FLNB: variants seen among roughly 807,000 people sequenced by gnomAD.
FLNB encodes filamin-B.
In FLNB, 111 loss-of-function variants were observed where a neutral mutation model predicts 250.6. The ratio of observed to expected loss-of-function variants is 0.44; its 90% CI spans 0.38 to 0.52. The LOEUF is 0.52. FLNB is among the 20% of genes least tolerant of loss of function. The pLI, the probability that FLNB is intolerant of heterozygous loss-of-function variation, is 0.00. For missense variants in FLNB, 2,869 were observed against 3,447.8 expected (o/e 0.83, Z 4.20); for synonymous variants, 1,302 against 1,372.1 (o/e 0.95, Z 1.13).
intron 1 of FLNB, among the ~76,000 whole-genome samples, chr3:58,065,046 C>CA (rs56191321): frequency 1.5e-3 from 224 of 149,890 alleles, no homozygotes; most frequent in Non-Finnish European, 2.7e-3. Context: ...GACCCTGTCT[C>CA]AAAAAAAAAA....
chr3:58,068,559 C>T (rs561245155), intron 1 of FLNB, among the ~76,000 whole-genome samples: 1 of 152,254 alleles, frequency 6.6e-6, no homozygotes, highest in Admixed American at 6.5e-5. Flanking sequence ...TCAGCTGTCC[C>T]CGCTTTGGTT....
chr3:58,013,585 G>A (rs2097101934), intron 1 of FLNB, among the ~76,000 whole-genome samples: 1 of 152,258 alleles, frequency 6.6e-6, no homozygotes, highest in African/African-American at 2.4e-5. Context: ...AGCACCCTGG[G>A]AGGCCAAGGT....
intron 16 of FLNB, 79 bp from the exon 17 acceptor site, chr3:58,111,712 T>C (rs2097269035): frequency 2.0e-6 from 2 of 1,013,832 alleles, no homozygotes; most frequent in Admixed American, 1.8e-5. Flanking sequence ...GATGCTAAGG[T>C]TCACCCTTTG....
At position 58,079,294 on chromosome 3, in the gene FLNB, C is replaced by G. The variant is rs191474768; in HGVS notation, c.639+480C>G. On this transcript the variant is annotated intron_variant, in intron 3 of 45. Coordinates refer to ENST00000295956, the MANE Select transcript of FLNB (RefSeq NM_001457.4). ...TTGAGATGGAGTCTCGCTTTGTCGC[C>G]CAGGCTGGAGTGCAGTGGTGTGATC... Among the ~76,000 whole-genome samples, 40 of 151,340 alleles carry G rather than the reference C, an allele frequency of 2.6e-4. No individual in the cohort carries two copies. The East Asian group carries it at 7.0e-3, about 26-fold the overall frequency.
Position 58,122,753 on chromosome 3 carries a change from G to T in FLNB, c.3127-340G>T, listed in dbSNP as rs926058924. Among the ~76,000 whole-genome samples, 6 of 152,160 alleles carry T rather than the reference G, an allele frequency of 3.9e-5. No individual in the cohort carries two copies. In the East Asian group the frequency reaches 9.6e-4, roughly 24 times the overall value. ...GCCCTTCCATGAGCCCTCAACCTGGGATCTCGTGTATCTTTGTTGGAATGG... is the reference window on the plus strand; with the variant it reads ...GCCCTTCCATGAGCCCTCAACCTGGTATCTCGTGTATCTTTGTTGGAATGG... On this transcript the variant is annotated intron_variant, in intron 20 of 45. Coordinates refer to ENST00000295956, the MANE Select transcript of FLNB (RefSeq NM_001457.4).
rs904397162 is a variant in FLNB, at chr3:58,031,513, G to A, written c.292+22657G>A. On this transcript the variant is annotated intron_variant, in intron 1 of 45. Transcript: ENST00000295956. The stretch of plus-strand genomic sequence containing the variant: ...TGCCTCGGCCTCCCAAAGTGCTAGG[G>A]GATTACAGACGTGAGCCACCGTGCC... Among the ~76,000 whole-genome samples the A allele has an allele frequency of 1.5e-4, 22 of 148,756 alleles. No individual in the cohort carries two copies. In the East Asian group the frequency reaches 2.8e-3, roughly 19 times the overall value.
At chr3:58,137,264 A>G (rs1239923824) in intron 28 of FLNB, among the ~76,000 whole-genome samples, 4 of 152,156 alleles carry the variant, frequency 2.6e-5, no homozygotes, top group Non-Finnish European at 1.5e-5. Context: ...TGGCTCACCC[A>G]TGGCAAAAAA....
At chr3:58,089,255 A>G (rs2107010514) in intron 4 of FLNB, among the ~76,000 whole-genome samples, 1 of 152,278 alleles carries the variant, frequency 6.6e-6, no homozygotes, top group African/African-American at 2.4e-5. Context: ...AGGCTTCAGT[A>G]GCCAGGCGTG....
At chr3:58,075,113 C>G (rs1351151904) in intron 1 of FLNB, among the ~76,000 whole-genome samples, 1 of 151,810 alleles carries the variant, frequency 6.6e-6, no homozygotes, top group Non-Finnish European at 1.5e-5. Context: ...TGCCATGCAC[C>G]CCTTATCAGC....
At position 58,170,771 on chromosome 3, in the gene FLNB, T is replaced by G; in HGVS notation, c.*9T>G. 1 of 1,613,172 alleles carries G rather than the reference T, an allele frequency of 6.2e-7. No homozygotes were observed. The highest frequency in any genetic ancestry group is 8.5e-7 in the Non-Finnish European group (1 of 1,179,324). Reference sequence around the variant, plus strand: ...ATGTCACAGTGCCTTAAAACAGTTTTCTCAAATCCTGGAGAGAGTTCTTGT... The same window carrying G: ...ATGTCACAGTGCCTTAAAACAGTTTGCTCAAATCCTGGAGAGAGTTCTTGT... On this transcript the variant is annotated 3_prime_UTR_variant, in exon 46 of 46. Transcript: ENST00000295956.
intron 20 of FLNB, among the ~76,000 whole-genome samples, chr3:58,122,851 G>C (rs904944097): frequency 2.0e-5 from 3 of 152,104 alleles, no homozygotes; most frequent in African/African-American, 7.2e-5. Flanking sequence ...AGTCTTGGAG[G>C]GGCTGCTCCA....
rs749958082 is a variant in FLNB at position 58,154,900 on chromosome 3, C to T, written c.6744C>T (p.Cys2248=). ...ITFDDHKNGS[C]GVSYIAQEPG... is the part of the protein sequence containing the mutation. ...TCGATGACCATAAAAATGGGTCGTGCGGTGTATCTTATATTGCCCAAGAGC... is the reference window on the plus strand; with the variant it reads ...TCGATGACCATAAAAATGGGTCGTGTGGTGTATCTTATATTGCCCAAGAGC... Residue 2248 remains cysteine (C), a synonymous_variant, in exon 40 of 46, where the codon TGC becomes TGT. Coordinates refer to ENST00000295956, the MANE Select transcript of FLNB (RefSeq NM_001457.4). The T allele has an allele frequency of 1.5e-5, 25 of 1,613,802 alleles. No individual in the cohort carries two copies. The highest frequency in any genetic ancestry group is 2.7e-5 in the African/African-American group (2 of 74,878).
At chr3:58,062,674 C>T (rs1418156279) in intron 1 of FLNB, among the ~76,000 whole-genome samples, 1 of 152,320 alleles carries the variant, frequency 6.6e-6, no homozygotes, top group South Asian at 2.1e-4. Flanking sequence ...GACTAGAGCA[C>T]ACTGCCAGTT....
chr3:58,098,577 C>T (rs938275997), intron 7 of FLNB, 134 bp from the exon 8 acceptor site: 1 of 757,626 alleles, frequency 1.3e-6, no homozygotes, highest in Non-Finnish European at 2.3e-6. Flanking sequence ...AAGTGATCTA[C>T]CCACCTCGGC....
intron 28 of FLNB, among the ~76,000 whole-genome samples, chr3:58,137,620 C>G (rs2097318672): frequency 6.6e-6 from 1 of 152,174 alleles, no homozygotes. Context: ...TCTGCATTTC[C>G]TGATATGTGG....
At chr3:58,042,797 C>A (rs140902045) in intron 1 of FLNB, among the ~76,000 whole-genome samples, 89 of 152,250 alleles carry the variant, frequency 5.8e-4, no homozygotes, top group African/African-American at 2.1e-3. Flanking sequence ...CCGTTCGTTG[C>A]GCCTGGGCTA....
chr3:58,126,987 G>T (rs543048031), intron 24 of FLNB, among the ~76,000 whole-genome samples: 1 of 152,174 alleles, frequency 6.6e-6, no homozygotes, highest in Non-Finnish European at 1.5e-5. Context: ...ACAGTTGTGC[G>T]TGTGTTGGAG....
chr3:58,039,603 C>T (rs978107108), intron 1 of FLNB, among the ~76,000 whole-genome samples: 2 of 152,134 alleles, frequency 1.3e-5, no homozygotes, highest in African/African-American at 4.8e-5. Context: ...CAAACAAGAA[C>T]TACAATGACT....
chr3:58,134,804 TA>T (rs1330824250), intron 27 of FLNB, 32 bp downstream of exon 27: 1 of 1,601,034 alleles, frequency 6.2e-7, no homozygotes, highest in South Asian at 1.1e-5. Context: ...AGCCAAACCT[TA>T]ATCCTAAGAC....
Sources: gnomAD v4.1 joint callset for allele counts (sites outside exome capture counted in the v4.1 genomes callset) on GRCh38, gnomAD v4.1.1 for gene constraint, MANE v1.5 for transcripts, NCBI Gene and HGNC (gene_info 2026-07-23, HGNC 2026-07-21) for gene names.